Variants in H2BC13 observed in about 807,000 individuals in gnomAD.
The protein encoded by H2BC13 is H2B clustered histone 13.
In H2BC13, 12 loss-of-function variants were observed where a neutral mutation model predicts 6.3. The ratio of observed to expected loss-of-function variants is 1.90; its 90% CI spans 1.22 to 3.08. The LOEUF (loss-of-function observed/expected upper bound fraction) is 3.08. Ranked by LOEUF, H2BC13 falls within the 30% of genes most tolerant of loss-of-function variation. H2BC13 has a pLI of 0.00. For synonymous variants in H2BC13, 109 were observed against 74.3 expected, an observed-to-expected ratio of 1.47 and a Z score of -2.40; for missense variants, 164 against 170.4, an observed-to-expected ratio of 0.96 and a Z score of 0.21.
Position 27,807,616 on chromosome 6 carries a change from G to T in H2BC13, c.291C>A (p.Thr97=). ...RSTITSREIQ[T]AVRLLLPGEL... ...CCCCCGGAAGCAGCAGGCGCACGGC[G>T]GTCTGGATCTCCCTGGAGGTGATGG... is the stretch of plus-strand genomic sequence containing the variant. The change falls in exon 1 of 1, where the codon ACC becomes ACA. Residue 97 remains threonine (T), a synonymous_variant. Coordinates refer to ENST00000377401, the MANE Select transcript of H2BC13 (RefSeq NM_003519.4). The T allele has an allele frequency of 6.2e-7, 1 of 1,614,220 alleles. No homozygotes were observed. Among genetic ancestry groups the T allele is most frequent in the Non-Finnish European group, 8.5e-7 (1 of 1,180,034 alleles).
chr6:27,807,553 G>A lies in H2BC13; in HGVS notation c.354C>T (p.Ala118=), dbSNP rs375981998. 1.9e-6 allele frequency: 3 copies of A among 1,614,154 alleles called. No individual in the cohort carries two copies. The highest frequency in any genetic ancestry group is 2.5e-6 in the Non-Finnish European group (3 of 1,180,020). ...ACTTGGAGCTGGTGTACTTGGTGAC[G>A]GCCTTGGTGCCCTCCGACACCGCGT... The part of the protein sequence containing the change: ...AKHAVSEGTK[A]VTKYTSSK The change falls in exon 1 of 1, where the codon GCC becomes GCT. Residue 118 remains alanine, a synonymous_variant. Coordinates refer to ENST00000377401, the MANE Select transcript of H2BC13 (RefSeq NM_003519.4).
chr6:27,807,910 GAA>G lies in H2BC13; in HGVS notation c.-6_-5del, dbSNP rs763202728. On this transcript the variant is annotated 5_prime_UTR_variant, in exon 1 of 1. Transcript: ENST00000377401. Reference sequence around the variant, plus strand: ...CAGACTTGGCCAGCTCGGGCATAATGAAACAATAGTGGCAAAACCAAAACAAG... The same window carrying G: ...CAGACTTGGCCAGCTCGGGCATAATGACAATAGTGGCAAAACCAAAACAAG... 1.0e-4 allele frequency: 166 copies of G among 1,613,632 alleles called. No individual in the cohort carries two copies. The highest frequency in any genetic ancestry group is 3.2e-4 in the Admixed American group (19 of 59,890).
chr6:27,807,892 G>T lies in H2BC13; in HGVS notation c.15C>A (p.Ala5=). 2 of 1,614,176 alleles carry T rather than the reference G, an allele frequency of 1.2e-6. No individual in the cohort carries two copies. The highest frequency in any genetic ancestry group is 8.5e-7 in the Non-Finnish European group (1 of 1,180,040). MPEL[A]KSAPAPKKGS... is the part of the protein sequence containing the mutation. Reference sequence around the variant, plus strand: ...CCTTCTTCGGGGCGGGAGCAGACTTGGCCAGCTCGGGCATAATGAAACAAT... The same window carrying T: ...CCTTCTTCGGGGCGGGAGCAGACTTTGCCAGCTCGGGCATAATGAAACAAT... The change falls in exon 1 of 1, where the codon GCC becomes GCA. Residue 5 remains alanine (A), a synonymous_variant. Transcript: ENST00000377401.
chr6:27,807,630 T>G lies in H2BC13; in HGVS notation c.277A>C (p.Arg93=). The change falls in exon 1 of 1, where the codon AGG becomes CGG. Residue 93 remains arginine (R), a synonymous_variant. Transcript: ENST00000377401. ...HYNKRSTITS[R]EIQTAVRLLL... ...AGGCGCACGGCGGTCTGGATCTCCC[T>G]GGAGGTGATGGTCGAGCGCTTGTTG... 6.2e-7 allele frequency: 1 copy of G among 1,614,214 alleles called. No individual in the cohort carries two copies. The highest frequency in any genetic ancestry group is 8.5e-7 in the Non-Finnish European group (1 of 1,180,032).
chr6:27,807,928 C>T lies in H2BC13; in HGVS notation c.-22G>A, dbSNP rs1376136520. ...GCATAATGAAACAATAGTGGCAAAA[C>T]CAAAACAAGAAGTCGGTCTCCTCTT... On this transcript the variant is annotated 5_prime_UTR_variant, in exon 1 of 1. Transcript: ENST00000377401. 2 of 1,611,426 alleles carry T rather than the reference C, an allele frequency of 1.2e-6. No individual in the cohort carries two copies. The highest frequency in any genetic ancestry group is 1.3e-5 in the African/African-American group (1 of 74,578).
In H2BC13 at chr6:27,807,875, G is replaced by A; in HGVS notation, c.32C>T (p.Pro11Leu). ...CACCGCCTTCTTGGAGCCCTTCTTC[G>A]GGGCGGGAGCAGACTTGGCCAGCTC... MPELAKSAPA[P>L]KKGSKKAVTK... The change falls in exon 1 of 1, where the codon CCG becomes CTG. Residue 11 changes from proline to leucine, a missense_variant. Transcript: ENST00000377401. 1 of 1,614,170 alleles carries A rather than the reference G, an allele frequency of 6.2e-7. No individual in the cohort carries two copies. The highest frequency in any genetic ancestry group is 1.1e-5 in the South Asian group (1 of 91,082).
rs1304307492 is a variant in H2BC13 at position 27,807,716 on chromosome 6, T to C, written c.191A>G (p.Asn64Ser). The C allele has an allele frequency of 1.2e-6, 2 of 1,614,152 alleles. No individual in the cohort carries two copies. Among genetic ancestry groups the C allele is most frequent in the Admixed American group, 1.7e-5 (1 of 60,024 alleles). Residue 64 changes from asparagine to serine, a missense_variant, in exon 1 of 1, where the codon AAC (asparagine) becomes AGC (serine). Physicochemically the swap from Asn to Ser is conservative, Grantham distance 46. Coordinates refer to ENST00000377401, the MANE Select transcript of H2BC13 (RefSeq NM_003519.4). ...CTCGAAGATGTCGTTGACGAAGGAG[T>C]TCATGATTCCCATGGCCTTAGAAGA... ...GISSKAMGIM[N>S]SFVNDIFERI...
In H2BC13 at chr6:27,807,561, T is replaced by C. The variant is rs755330987; in HGVS notation, c.346A>G (p.Thr116Ala). The change falls in exon 1 of 1, where the codon ACC becomes GCC. Residue 116 changes from threonine (T) to alanine (A), a missense_variant. Thr to Ala is a moderately conservative substitution (Grantham distance 58, BLOSUM62 0). Transcript: ENST00000377401. ...CTGGTGTACTTGGTGACGGCCTTGG[T>C]GCCCTCCGACACCGCGTGCTTGGCC... ...ELAKHAVSEG[T>A]KAVTKYTSSK The C allele has an allele frequency of 6.2e-6, 10 of 1,614,226 alleles. No homozygotes were observed. The highest frequency in any genetic ancestry group is 7.6e-6 in the Non-Finnish European group (9 of 1,180,048).
Position 27,807,524 on chromosome 6 carries a change from A to T in H2BC13, c.*2T>A, listed in dbSNP as rs769315129. ...CTTTGGGTTGGACAAGAGCTTGAGA[A>T]TTTACTTGGAGCTGGTGTACTTGGT... On this transcript the variant is annotated 3_prime_UTR_variant, in exon 1 of 1. Coordinates refer to ENST00000377401, the MANE Select transcript of H2BC13 (RefSeq NM_003519.4). The T allele has an allele frequency of 6.2e-7, 1 of 1,613,688 alleles. No homozygotes were observed. Among genetic ancestry groups the T allele is most frequent in the Non-Finnish European group, 8.5e-7 (1 of 1,179,776 alleles).
rs200166268 is a variant in H2BC13 at position 27,807,640 on chromosome 6, G to C, written c.267C>G (p.Thr89=). The C allele has an allele frequency of 1.9e-6, 3 of 1,614,220 alleles. No homozygotes were observed. The highest frequency in any genetic ancestry group is 2.5e-6 in the Non-Finnish European group (3 of 1,180,036). ...SRLAHYNKRS[T]ITSREIQTAV... is the part of the protein sequence containing the mutation. ...CGGTCTGGATCTCCCTGGAGGTGATGGTCGAGCGCTTGTTGTAGTGCGCCA... is the reference window on the plus strand; with the variant it reads ...CGGTCTGGATCTCCCTGGAGGTGATCGTCGAGCGCTTGTTGTAGTGCGCCA... Residue 89 remains threonine, a synonymous_variant, in exon 1 of 1, where the codon ACC becomes ACG. Coordinates refer to ENST00000377401, the MANE Select transcript of H2BC13 (RefSeq NM_003519.4).
chr6:27,807,802 C>T lies in H2BC13; in HGVS notation c.105G>A (p.Lys35=), dbSNP rs1011227710. ...TGTACACGTACACGGAGTAGCTCTCCTTGCGGCTGCGCTTGCGCTTCTTGC... is the reference window on the plus strand; with the variant it reads ...TGTACACGTACACGGAGTAGCTCTCTTTGCGGCTGCGCTTGCGCTTCTTGC... ...KDGKKRKRSR[K]ESYSVYVYKV... is the part of the protein sequence containing the mutation. The change falls in exon 1 of 1, where the codon AAG becomes AAA. Residue 35 remains lysine, a synonymous_variant. Coordinates refer to ENST00000377401, the MANE Select transcript of H2BC13 (RefSeq NM_003519.4). 44 of 1,614,252 alleles carry T rather than the reference C, an allele frequency of 2.7e-5. No homozygotes were observed. The highest frequency in any genetic ancestry group is 3.5e-5 in the Non-Finnish European group (41 of 1,180,054).
rs375981998 is a variant in H2BC13 at position 27,807,553 on chromosome 6, G to C, written c.354C>G (p.Ala118=). The change falls in exon 1 of 1, where the codon GCC becomes GCG. Residue 118 remains alanine (A), a synonymous_variant. Coordinates refer to ENST00000377401, the MANE Select transcript of H2BC13 (RefSeq NM_003519.4). ...ACTTGGAGCTGGTGTACTTGGTGAC[G>C]GCCTTGGTGCCCTCCGACACCGCGT... The part of the protein sequence containing the change: ...AKHAVSEGTK[A]VTKYTSSK 5 of 1,614,036 alleles carry C rather than the reference G, an allele frequency of 3.1e-6. No individual in the cohort carries two copies. The highest frequency in any genetic ancestry group is 1.3e-5 in the African/African-American group (1 of 74,912).
chr6:27,807,776 T>C lies in H2BC13; in HGVS notation c.131A>G (p.Lys44Arg), dbSNP rs139309275. 2.5e-6 allele frequency: 4 copies of C among 1,614,142 alleles called. No homozygotes were observed. Among genetic ancestry groups the C allele is most frequent in the African/African-American group, 1.3e-5 (1 of 74,948 alleles). ...GTCGGGGTGGACCTGCTTCAGCACCTTGTACACGTACACGGAGTAGCTCTC... is the reference window on the plus strand; with the variant it reads ...GTCGGGGTGGACCTGCTTCAGCACCCTGTACACGTACACGGAGTAGCTCTC... The part of the protein sequence containing the change: ...RKESYSVYVY[K>R]VLKQVHPDTG... The change falls in exon 1 of 1, where the codon AAG becomes AGG. Residue 44 changes from lysine (K) to arginine (R), a missense_variant. Lys to Arg is a conservative substitution (Grantham distance 26). Coordinates refer to ENST00000377401, the MANE Select transcript of H2BC13 (RefSeq NM_003519.4).
At position 27,807,568 on chromosome 6, in the gene H2BC13, C is replaced by G. The variant is rs1439640591; in HGVS notation, c.339G>C (p.Ser113=). The change falls in exon 1 of 1, where the codon TCG becomes TCC. Residue 113 remains serine, a synonymous_variant. Transcript: ENST00000377401. ...ACTTGGTGACGGCCTTGGTGCCCTCCGACACCGCGTGCTTGGCCAGCTCCC... is the reference window on the plus strand; with the variant it reads ...ACTTGGTGACGGCCTTGGTGCCCTCGGACACCGCGTGCTTGGCCAGCTCCC... ...LPGELAKHAV[S]EGTKAVTKYT... is the part of the protein sequence containing the mutation. 1 of 1,614,144 alleles carries G rather than the reference C, an allele frequency of 6.2e-7. No individual in the cohort carries two copies. The highest frequency in any genetic ancestry group is 2.2e-5 in the East Asian group (1 of 44,876).
Position 27,807,697 on chromosome 6 carries a change from G to A in H2BC13, c.210C>T (p.Ile70=), listed in dbSNP as rs140274798. Residue 70 remains isoleucine (I), a synonymous_variant, in exon 1 of 1, where the codon ATC becomes ATT. Coordinates refer to ENST00000377401, the MANE Select transcript of H2BC13 (RefSeq NM_003519.4). The part of the protein sequence containing the change: ...MGIMNSFVND[I]FERIASEASR... ...AAGCCTCGCTTGCGATGCGCTCGAAGATGTCGTTGACGAAGGAGTTCATGA... is the reference window on the plus strand; with the variant it reads ...AAGCCTCGCTTGCGATGCGCTCGAAAATGTCGTTGACGAAGGAGTTCATGA... 1 of 1,614,242 alleles carries A rather than the reference G, an allele frequency of 6.2e-7. No individual in the cohort carries two copies. Among genetic ancestry groups the A allele is most frequent in the Non-Finnish European group, 8.5e-7 (1 of 1,180,046 alleles).
chr6:27,807,853 C>T lies in H2BC13; in HGVS notation c.54G>A (p.Ala18=), dbSNP rs1259092234. ...CATCCTTCTTCTGGGCCTTGGTCAC[C>T]GCCTTCTTGGAGCCCTTCTTCGGGG... ...APAPKKGSKK[A]VTKAQKKDGK... is the part of the protein sequence containing the mutation. Residue 18 remains alanine (A), a synonymous_variant, in exon 1 of 1, where the codon GCG becomes GCA. Transcript: ENST00000377401. 1 of 1,614,174 alleles carries T rather than the reference C, an allele frequency of 6.2e-7. No homozygotes were observed. Among genetic ancestry groups the T allele is most frequent in the Non-Finnish European group, 8.5e-7 (1 of 1,180,000 alleles).
At position 27,807,599 on chromosome 6, in the gene H2BC13, A is replaced by G. The variant is rs758830045; in HGVS notation, c.308T>C (p.Leu103Pro). ...CGCGTGCTTGGCCAGCTCCCCCGGAAGCAGCAGGCGCACGGCGGTCTGGAT... is the reference window on the plus strand; with the variant it reads ...CGCGTGCTTGGCCAGCTCCCCCGGAGGCAGCAGGCGCACGGCGGTCTGGAT... ...REIQTAVRLL[L>P]PGELAKHAVS... is the part of the protein sequence containing the mutation. The change falls in exon 1 of 1, where the codon CTT (leucine) becomes CCT (proline). Residue 103 changes from leucine to proline, a missense_variant. Coordinates refer to ENST00000377401, the MANE Select transcript of H2BC13 (RefSeq NM_003519.4). The G allele has an allele frequency of 6.2e-7, 1 of 1,614,216 alleles. No homozygotes were observed. Among genetic ancestry groups the G allele is most frequent in the Admixed American group, 1.7e-5 (1 of 60,034 alleles).
chr6:27,807,575 G>C lies in H2BC13; in HGVS notation c.332C>G (p.Ala111Gly). ...GACGGCCTTGGTGCCCTCCGACACC[G>C]CGTGCTTGGCCAGCTCCCCCGGAAG... Reference protein sequence around the residue: ...LLLPGELAKHAVSEGTKAVTK... With the variant: ...LLLPGELAKHGVSEGTKAVTK... The change falls in exon 1 of 1, where the codon GCG becomes GGG. Residue 111 changes from alanine to glycine, a missense_variant. Ala to Gly is a moderately conservative substitution (Grantham distance 60). Coordinates refer to ENST00000377401, the MANE Select transcript of H2BC13 (RefSeq NM_003519.4). The C allele has an allele frequency of 6.2e-7, 1 of 1,614,208 alleles. No individual in the cohort carries two copies. Among genetic ancestry groups the C allele is most frequent in the African/African-American group, 1.3e-5 (1 of 75,056 alleles).
Position 27,807,510 on chromosome 6 carries a change from A to G in H2BC13, c.*16T>C. 6.2e-7 allele frequency: 1 copy of G among 1,613,542 alleles called. No individual in the cohort carries two copies. Among genetic ancestry groups the G allele is most frequent in the South Asian group, 1.1e-5 (1 of 91,044 alleles). On this transcript the variant is annotated 3_prime_UTR_variant, in exon 1 of 1. Coordinates refer to ENST00000377401, the MANE Select transcript of H2BC13 (RefSeq NM_003519.4). ...GCTCTGAAAAGAGCCTTTGGGTTGGACAAGAGCTTGAGAATTTACTTGGAG... is the reference window on the plus strand; with the variant it reads ...GCTCTGAAAAGAGCCTTTGGGTTGGGCAAGAGCTTGAGAATTTACTTGGAG...
Sources: allele counts gnomAD v4.1 joint callset, GRCh38; gene constraint gnomAD v4.1.1; transcripts MANE v1.5; gene names NCBI Gene and HGNC (gene_info 2026-07-23, HGNC 2026-07-21).